The following NTM variants were observed in gnomAD, a reference collection of about 807,000 sequenced individuals.
The protein encoded by NTM is IgLON family member 2.
A neutral mutation model predicts 42.1 loss-of-function variants in NTM; 13 were observed. The observed-to-expected ratio is 0.31, with a 90% CI of 0.20 to 0.49. NTM has a LOEUF of 0.49. Among genes scored for constraint, NTM ranks in the 20% least tolerant of loss-of-function variants. The pLI, the probability that NTM is intolerant of heterozygous loss-of-function variation, is 0.99. For missense variants in NTM, 373 were observed against 452.8 expected, an observed-to-expected ratio of 0.82 and a Z score of 1.60; for synonymous variants, 187 against 179.2, an observed-to-expected ratio of 1.04 and a Z score of -0.35.
chr11:131,851,536 T>C (rs10894460), intron 1 of NTM, among the ~76,000 whole-genome samples: 1,634 of 68,362 alleles, frequency 0.024, 19 homozygotes, highest in Non-Finnish European at 0.055. Context: ...GAATGGCGTG[T>C]GTGTGTGTGT....
At chr11:131,652,267 A>T (rs1016693441) in intron 1 of NTM, among the ~76,000 whole-genome samples, 1 of 152,196 alleles carries the variant, frequency 6.6e-6, no homozygotes, top group African/African-American at 2.4e-5. Flanking sequence ...AGACATGATC[A>T]TTGTGTTTTT....
At chr11:132,230,931 G>A (rs2087425862) in intron 4 of NTM, among the ~76,000 whole-genome samples, 1 of 152,232 alleles carries the variant, frequency 6.6e-6, no homozygotes, top group Non-Finnish European at 1.5e-5. Flanking sequence ...AGGATCACTT[G>A]AGGCCAGGGG....
chr11:131,889,530 C>CT (rs1329926249), intron 1 of NTM, among the ~76,000 whole-genome samples: 2 of 152,040 alleles, frequency 1.3e-5, no homozygotes, highest in Non-Finnish European at 2.9e-5. Context: ...GTGTGTGGGC[C>CT]TTTAAAAAAA....
intron 4 of NTM, among the ~76,000 whole-genome samples, chr11:132,277,031 CTTCT>C (rs2093753594): frequency 6.6e-6 from 1 of 152,164 alleles, no homozygotes; most frequent in South Asian, 2.1e-4. Context: ...ACAACATCCA[CTTCT>C]ATTTCTAGCA....
intron 4 of NTM, among the ~76,000 whole-genome samples, chr11:132,237,299 C>G (rs895927): frequency 0.38 from 58,372 of 151,968 alleles, 11,519 homozygotes; most frequent in Middle Eastern, 0.53. Context: ...TGGACTTACG[C>G]TCTCGGCTCC....
intron 2 of NTM, among the ~76,000 whole-genome samples, chr11:132,033,607 C>A (rs2076178841): frequency 6.6e-6 from 1 of 152,152 alleles, no homozygotes; most frequent in Admixed American, 6.5e-5. Context: ...TTGCTCGTTG[C>A]TCCCCCTAAT....
At chr11:132,218,899 G>T (rs2084507976) in intron 4 of NTM, among the ~76,000 whole-genome samples, 1 of 152,132 alleles carries the variant, frequency 6.6e-6, no homozygotes, top group South Asian at 2.1e-4. Context: ...TTGAAGGCAG[G>T]TCCAAGGGGA....
At chr11:132,255,393 G>A (rs1254426459) in intron 4 of NTM, among the ~76,000 whole-genome samples, 1 of 152,142 alleles carries the variant, frequency 6.6e-6, no homozygotes, top group Admixed American at 6.5e-5. Context: ...AGTGATTCCT[G>A]CAGAAGTGGC....
At chr11:131,949,923 C>G (rs992927886) in intron 2 of NTM, among the ~76,000 whole-genome samples, 1 of 152,170 alleles carries the variant, frequency 6.6e-6, no homozygotes, top group Non-Finnish European at 1.5e-5. Context: ...TGACACTTTG[C>G]ACACTTACTA....
intron 3 of NTM, among the ~76,000 whole-genome samples, chr11:132,154,391 C>T (rs1591860206): frequency 6.6e-6 from 1 of 152,324 alleles, no homozygotes; most frequent in East Asian, 1.9e-4. Context: ...TTCTATGCTT[C>T]TTGCATGGTT....
chr11:131,684,214 A>G (rs937401253), intron 1 of NTM, among the ~76,000 whole-genome samples: 7 of 152,226 alleles, frequency 4.6e-5, no homozygotes, highest in African/African-American at 1.7e-4. Flanking sequence ...ACGTGGGGTG[A>G]GCAGCCTTCA....
chr11:131,660,294 G>A (rs2134451186), intron 1 of NTM: 1 of 355,872 alleles, frequency 2.8e-6, no homozygotes, highest in African/African-American at 2.1e-5. Flanking sequence ...TTCTGTAGAA[G>A]CAGGTCTGAA....
chr11:132,025,517 A>G (rs75499853), intron 2 of NTM, among the ~76,000 whole-genome samples: 433 of 152,288 alleles, frequency 2.8e-3, no homozygotes, highest in African/African-American at 0.01. Context: ...GACCCATTGT[A>G]CGAGAAATTC....
chr11:131,881,478 A>G (rs1308291966), intron 1 of NTM, among the ~76,000 whole-genome samples: 1 of 26,688 alleles, frequency 3.7e-5, no homozygotes, highest in Non-Finnish European at 6.9e-5. Context: ...GCTCTCAGTT[A>G]CACACACACA....
intron 1 of NTM, among the ~76,000 whole-genome samples, chr11:131,643,510 G>T (rs2065394873): frequency 1.3e-5 from 2 of 152,186 alleles, no homozygotes; most frequent in African/African-American, 4.8e-5. Flanking sequence ...CCTTTGCCCT[G>T]GATCAGTAGT....
intron 3 of NTM, among the ~76,000 whole-genome samples, chr11:132,175,578 A>AG (rs2076680332): frequency 6.6e-6 from 1 of 151,414 alleles, no homozygotes; most frequent in Non-Finnish European, 1.5e-5. Flanking sequence ...CAGACTAAAA[A>AG]AATCCTACCC....
rs575820530 is a variant in NTM at position 132,024,117 on chromosome 11, AT to A, written c.167+112479del. ...ACAGGTGTGAGCTACTGCACCCAGCATTTTTTTTTTAATGTAATAAATTTCC... is the reference window on the plus strand; with the variant it reads ...ACAGGTGTGAGCTACTGCACCCAGCATTTTTTTTTAATGTAATAAATTTCC... On this transcript the variant is annotated intron_variant, in intron 2 of 8. Transcript: ENST00000683400. Among the ~76,000 whole-genome samples the A allele has an allele frequency of 7.7e-4, 115 of 148,514 alleles. 1 individual carries two copies. The highest frequency in any genetic ancestry group is 3.5e-3 in the Middle Eastern group (1 of 286).
intron 2 of NTM, among the ~76,000 whole-genome samples, chr11:132,136,213 C>T (rs566669199): frequency 1.2e-4 from 19 of 152,258 alleles, no homozygotes; most frequent in African/African-American, 4.1e-4. Context: ...GTCTCACCTC[C>T]GTAGATGGTA....
At chr11:131,461,390 A>T (rs1426194881) in intron 1 of NTM, among the ~76,000 whole-genome samples, 2 of 152,202 alleles carry the variant, frequency 1.3e-5, no homozygotes, top group Admixed American at 1.3e-4. Context: ...GATATTTAAC[A>T]ATTTTGAGTT....
Sources: allele counts gnomAD v4.1 joint callset (sites outside exome capture counted in the v4.1 genomes callset), GRCh38; gene constraint gnomAD v4.1.1; transcripts MANE v1.5; gene names NCBI Gene and HGNC (gene_info 2026-07-23, HGNC 2026-07-21).